Variants in MAF observed in about 807,000 individuals in gnomAD.
The protein encoded by MAF is transcription factor Maf.
In MAF, 10 loss-of-function variants were observed where a neutral mutation model predicts 22.0. That is an observed-to-expected ratio of 0.45 (90% CI 0.28 to 0.77). The LOEUF is 0.77. Among genes scored for constraint, MAF ranks in the 30% least tolerant of loss-of-function variants. The pLI, the probability that MAF is intolerant of heterozygous loss-of-function variation, is 0.12. For missense variants in MAF, 544 were observed against 548.4 expected (o/e 0.99, Z 0.08); for synonymous variants, 337 against 255.8 (o/e 1.32, Z -3.03).
the MAF span, among the ~76,000 whole-genome samples, chr16:79,294,156 C>T: frequency 6.6e-6 from 1 of 152,192 alleles, no homozygotes; most frequent in African/African-American, 2.4e-5. Flanking sequence ...AGCAACATCT[C>T]AGCTTCTTTG....
chr16:79,472,903 G>T, the MAF span, among the ~76,000 whole-genome samples: 28 of 152,154 alleles, frequency 1.8e-4, no homozygotes, highest in African/African-American at 5.5e-4. Context: ...GATTTGGGTA[G>T]TCAGTGATTG....
the MAF span, among the ~76,000 whole-genome samples, chr16:79,499,875 C>T: frequency 6.6e-5 from 10 of 152,318 alleles, no homozygotes; most frequent in African/African-American, 2.4e-4. Flanking sequence ...CCTTATAGGT[C>T]AACATTTGTG....
At chr16:79,424,476 T>A in the MAF span, among the ~76,000 whole-genome samples, 1 of 152,306 alleles carries the variant, frequency 6.6e-6, no homozygotes, top group Middle Eastern at 3.4e-3. Flanking sequence ...CCTCCTTGAT[T>A]AAAAAAATTA....
At chr16:79,459,756 G>T in the MAF span, among the ~76,000 whole-genome samples, 1 of 152,034 alleles carries the variant, frequency 6.6e-6, no homozygotes, top group Non-Finnish European at 1.5e-5. Flanking sequence ...CAGAGACAGG[G>T]TTTTGCCATG....
chr16:79,271,555 G>C, the MAF span, among the ~76,000 whole-genome samples: 1 of 152,022 alleles, frequency 6.6e-6, no homozygotes, highest in African/African-American at 2.4e-5. Flanking sequence ...ACAGCCTCTG[G>C]GTAATTCAAG....
the MAF span, among the ~76,000 whole-genome samples, chr16:79,346,242 C>T: frequency 0.57 from 84,966 of 148,502 alleles, 25,260 homozygotes; most frequent in African/African-American, 0.71. Flanking sequence ...AGTGTTCTCA[C>T]TGTTCAATTC....
chr16:79,276,165 GA>G, the MAF span, among the ~76,000 whole-genome samples: 7 of 145,894 alleles, frequency 4.8e-5, no homozygotes, highest in South Asian at 1.1e-3. Flanking sequence ...AAGAAAGAAA[GA>G]AAGGAAAGAA....
At chr16:79,358,594 A>G in the MAF span, among the ~76,000 whole-genome samples, 3 of 152,214 alleles carry the variant, frequency 2.0e-5, no homozygotes, top group African/African-American at 7.2e-5. Context: ...GCAGCTGCTC[A>G]CAAAATGTGA....
chr16:79,509,836 C>T, the MAF span, among the ~76,000 whole-genome samples: 88 of 152,304 alleles, frequency 5.8e-4, no homozygotes, highest in African/African-American at 2.0e-3. Context: ...CTTATCAATG[C>T]CTCTTCTGTG....
the MAF span, among the ~76,000 whole-genome samples, chr16:79,449,013 C>A: frequency 2.8e-3 from 428 of 152,154 alleles, 1 homozygote; most frequent in African/African-American, 9.0e-3. Context: ...CTGGGAACCC[C>A]GAGATTGTTT....
At chr16:79,519,076 C>A in the MAF span, among the ~76,000 whole-genome samples, 1 of 152,152 alleles carries the variant, frequency 6.6e-6, no homozygotes, top group Admixed American at 6.5e-5. Context: ...TAATGCCTTG[C>A]AATTATATTT....
the MAF span, among the ~76,000 whole-genome samples, chr16:79,233,186 T>C: frequency 2.0e-5 from 3 of 151,966 alleles, no homozygotes; most frequent in African/African-American, 7.2e-5. Context: ...TTTCATGCAA[T>C]GAAGAAGGAT....
the MAF span, among the ~76,000 whole-genome samples, chr16:79,261,332 T>C: frequency 1.5e-5 from 2 of 136,928 alleles, no homozygotes; most frequent in African/African-American, 5.2e-5. Flanking sequence ...TTTGTAGTTT[T>C]ACTAGAGACC....
chr16:79,385,623 G>T, the MAF span, among the ~76,000 whole-genome samples: 2 of 152,206 alleles, frequency 1.3e-5, no homozygotes, highest in Non-Finnish European at 2.9e-5. Flanking sequence ...TTTCCTGGCT[G>T]GGTGTGGTAG....
At chr16:79,423,179 T>C in the MAF span, among the ~76,000 whole-genome samples, 1 of 152,224 alleles carries the variant, frequency 6.6e-6, no homozygotes, top group Non-Finnish European at 1.5e-5. Context: ...TTGCATAGGA[T>C]GTACCTATAC....
chr16:79,238,323 C>T, the MAF span, among the ~76,000 whole-genome samples: 365 of 152,180 alleles, frequency 2.4e-3, 6 homozygotes, highest in Non-Finnish European at 4.5e-3. Flanking sequence ...TTTCCTGGCT[C>T]TTGGAAGCAG....
At chr16:79,562,923 T>G in the MAF span, among the ~76,000 whole-genome samples, 1 of 152,100 alleles carries the variant, frequency 6.6e-6, no homozygotes, top group Non-Finnish European at 1.5e-5. Flanking sequence ...CAAATCAAAT[T>G]CAAACAAAAC....
the MAF span, among the ~76,000 whole-genome samples, chr16:79,382,398 G>C: frequency 7.9e-3 from 1,204 of 152,276 alleles, 77 homozygotes; most frequent in East Asian, 0.15. Flanking sequence ...GGATGGAAAA[G>C]TTTCCTATCT....
chr16:79,313,715 A>G, the MAF span, among the ~76,000 whole-genome samples: 1 of 152,094 alleles, frequency 6.6e-6, no homozygotes, highest in African/African-American at 2.4e-5. Context: ...CCTAAGCCCC[A>G]GTCTCAGGAG....
Sources: gnomAD v4.1 joint callset for allele counts (sites outside exome capture counted in the v4.1 genomes callset) on GRCh38, gnomAD v4.1.1 for gene constraint, MANE v1.5 for transcripts, NCBI Gene and HGNC (gene_info 2026-07-23, HGNC 2026-07-21) for gene names.